Variants in FUT9 observed in about 807,000 individuals in gnomAD.
The protein encoded by FUT9 is fucosyltransferase 9.
FUT9 carries 15 observed loss-of-function variants against 29.7 expected under a neutral mutation model. The observed-to-expected ratio is 0.51, with a 90% CI of 0.34 to 0.78. The LOEUF is 0.78. Ranked by LOEUF, FUT9 falls within the 30% of genes least tolerant of loss-of-function variation. The pLI is 0.01. For synonymous variants in FUT9, 169 were observed against 153.7 expected, an observed-to-expected ratio of 1.10 and a Z score of -0.74; for missense variants, 319 against 425.4, an observed-to-expected ratio of 0.75 and a Z score of 2.20.
chr6:96,160,954 T>A (rs1291723409), intron 2 of FUT9, among the ~76,000 whole-genome samples: 1 of 152,124 alleles, frequency 6.6e-6, no homozygotes, highest in Admixed American at 6.5e-5. Context: ...TAAACTATGA[T>A]TTTGAAAACG....
chr6:96,025,086 C>G (rs1408253882), intron 1 of FUT9, among the ~76,000 whole-genome samples: 1 of 151,764 alleles, frequency 6.6e-6, no homozygotes, highest in Non-Finnish European at 1.5e-5. Context: ...CATTGTGAGC[C>G]AAAATTCTAA....
intron 2 of FUT9, among the ~76,000 whole-genome samples, chr6:96,135,224 T>G (rs1191761211): frequency 1.3e-5 from 2 of 151,998 alleles, no homozygotes; most frequent in Non-Finnish European, 2.9e-5. Context: ...TATAATCAAA[T>G]GTTAGTATAT....
intron 1 of FUT9, among the ~76,000 whole-genome samples, chr6:96,111,821 T>G (rs915215542): frequency 5.3e-5 from 8 of 152,190 alleles, no homozygotes. Context: ...TGACAGATGT[T>G]TGGGAGCCAA....
At chr6:96,099,609 T>C (rs894076372) in intron 1 of FUT9, among the ~76,000 whole-genome samples, 1 of 152,174 alleles carries the variant, frequency 6.6e-6, no homozygotes, top group African/African-American at 2.4e-5. Context: ...TGAATATTTA[T>C]GCAATCTTCT....
intron 2 of FUT9, among the ~76,000 whole-genome samples, chr6:96,147,517 G>A (rs1440283854): frequency 6.6e-6 from 1 of 152,060 alleles, no homozygotes; most frequent in Admixed American, 6.6e-5. Flanking sequence ...AGAAAAAGAT[G>A]AGCAACTGTG....
In FUT9 at chr6:96,214,703, G is replaced by A. The variant is rs913714619; in HGVS notation, c.*10468G>A. ...CCTCCCATGAAATTAATCATTCATG[G>A]TAATATATTAAGGCTGGAACGTAGC... On this transcript the variant is annotated 3_prime_UTR_variant, in exon 3 of 3. Transcript: ENST00000302103. 6.0e-5 allele frequency: 10 copies of A among 166,878 alleles called. No homozygotes were observed. Among genetic ancestry groups the A allele is most frequent in the Non-Finnish European group, 7.3e-5 (5 of 68,044 alleles). The allele number at this position is 166,878 out of a possible 1,614,324, so 10.3% of individuals were successfully genotyped here. A position where few individuals can be genotyped will look rare whatever the true frequency, so the allele number is the denominator to read the frequency against.
chr6:96,125,381 T>G (rs1772115581), intron 2 of FUT9, among the ~76,000 whole-genome samples: 1 of 152,204 alleles, frequency 6.6e-6, no homozygotes, highest in Non-Finnish European at 1.5e-5. Flanking sequence ...TAATTCCTTC[T>G]CTACCTTAAT....
chr6:96,097,137 G>T (rs1771512466), intron 1 of FUT9, among the ~76,000 whole-genome samples: 1 of 152,206 alleles, frequency 6.6e-6, no homozygotes, highest in African/African-American at 2.4e-5. Context: ...TACACATACT[G>T]AAGGAATATG....
chr6:96,069,320 C>CA (rs66913347), intron 1 of FUT9, among the ~76,000 whole-genome samples: 37,441 of 145,918 alleles, frequency 0.26, 5,549 homozygotes, highest in Non-Finnish European at 0.33. Context: ...GACTCCATCT[C>CA]AAAAAAAAAA....
intron 2 of FUT9, among the ~76,000 whole-genome samples, chr6:96,169,551 G>A (rs1185739662): frequency 1.3e-5 from 2 of 152,108 alleles, no homozygotes; most frequent in East Asian, 1.9e-4. Flanking sequence ...GGGAGGTCTC[G>A]ACTGAAGATC....
At chr6:96,034,121 T>G (rs1297438146) in intron 1 of FUT9, among the ~76,000 whole-genome samples, 1 of 151,636 alleles carries the variant, frequency 6.6e-6, no homozygotes, top group Non-Finnish European at 1.5e-5. Flanking sequence ...AGTATTCTCT[T>G]CTTATTTCCA....
At position 96,195,378 on chromosome 6, in the gene FUT9, C is replaced by T. The variant is rs546913028; in HGVS notation, c.-8-7770C>T. Among the ~76,000 whole-genome samples the T allele has an allele frequency of 5.9e-5, 9 of 152,138 alleles. No homozygotes were observed. The South Asian group carries it at 1.9e-3, about 32-fold the overall frequency. The stretch of plus-strand genomic sequence containing the variant: ...TTGAGGAAATAAAACAAAGGCTTAC[C>T]CTTGGAAATACCAGGGATTATATAT... On this transcript the variant is annotated intron_variant, in intron 2 of 2. Coordinates refer to ENST00000302103, the MANE Select transcript of FUT9 (RefSeq NM_006581.4).
rs147592333 is a variant in FUT9 at position 96,052,241 on chromosome 6, A to G, written c.-98+36029A>G. On this transcript the variant is annotated intron_variant, in intron 1 of 2. Coordinates refer to ENST00000302103, the MANE Select transcript of FUT9 (RefSeq NM_006581.4). ...TGTGGGTAACTGCCCCCAAGACTCA[A>G]TTACTTCTCACTGAGTCCCTTCCAC... Among the ~76,000 whole-genome samples the G allele has an allele frequency of 5.4e-3, 825 of 152,266 alleles. 4 individuals carry two copies. Among genetic ancestry groups the G allele is most frequent in the African/African-American group, 0.019 (784 of 41,540 alleles).
chr6:96,195,722 A>G (rs1002298720), intron 2 of FUT9, among the ~76,000 whole-genome samples: 1 of 152,232 alleles, frequency 6.6e-6, no homozygotes, highest in African/African-American at 2.4e-5. Flanking sequence ...TGTTCTTAGC[A>G]TAAAAATTGT....
At chr6:96,126,679 CTTTA>C (rs1272126370) in intron 2 of FUT9, among the ~76,000 whole-genome samples, 2 of 152,144 alleles carry the variant, frequency 1.3e-5, no homozygotes, top group Non-Finnish European at 2.9e-5. Flanking sequence ...TTGAGTTGGT[CTTTA>C]TATACACAGG....
intron 2 of FUT9, among the ~76,000 whole-genome samples, chr6:96,132,427 T>C (rs1180182974): frequency 6.6e-6 from 1 of 152,108 alleles, no homozygotes; most frequent in Non-Finnish European, 1.5e-5. Flanking sequence ...GGTTAGTCAT[T>C]ACTGTGTGTA....
rs556144726 is a variant in FUT9, at chr6:96,018,456, T to C, written c.-98+2244T>C. ...CAAGAATTTCTATAAAGAATTATGGTGAGCTGAAAGTCAAGAAGATCTGCC... is the reference window on the plus strand; with the variant it reads ...CAAGAATTTCTATAAAGAATTATGGCGAGCTGAAAGTCAAGAAGATCTGCC... On this transcript the variant is annotated intron_variant, in intron 1 of 2. Transcript: ENST00000302103. Among the ~76,000 whole-genome samples the C allele has an allele frequency of 3.3e-5, 5 of 152,230 alleles. No individual in the cohort carries two copies. In the South Asian group the frequency reaches 8.3e-4, roughly 25 times the overall value.
intron 2 of FUT9, among the ~76,000 whole-genome samples, chr6:96,131,349 T>C (rs1426257510): frequency 6.6e-6 from 1 of 152,114 alleles, no homozygotes; most frequent in Non-Finnish European, 1.5e-5. Context: ...TATTTTTTCT[T>C]TCCTTCTCTT....
At chr6:96,046,244 C>CACACAA (rs71012534) in intron 1 of FUT9, among the ~76,000 whole-genome samples, 39 of 149,140 alleles carry the variant, frequency 2.6e-4, no homozygotes, top group Non-Finnish European at 4.5e-4. Flanking sequence ...CACACACACA[C>CACACAA]CCCTGAAGCA....
Sources: allele counts gnomAD v4.1 joint callset (sites outside exome capture counted in the v4.1 genomes callset), GRCh38; gene constraint gnomAD v4.1.1; transcripts MANE v1.5; gene names NCBI Gene and HGNC (gene_info 2026-07-23, HGNC 2026-07-21).